ZC3H12C: variants seen among roughly 807,000 people sequenced by gnomAD.
The protein encoded by ZC3H12C is probable ribonuclease ZC3H12C.
A neutral mutation model predicts 76.3 loss-of-function variants in ZC3H12C; 20 were observed. The observed-to-expected ratio is 0.26, with a 90% CI of 0.18 to 0.38. ZC3H12C has a LOEUF of 0.38. Ranked by LOEUF, ZC3H12C falls within the 10% of genes least tolerant of loss-of-function variation. ZC3H12C has a pLI of 1.00. For synonymous variants in ZC3H12C, 352 were observed against 399.6 expected, an observed-to-expected ratio of 0.88 and a Z score of 1.42; for missense variants, 874 against 1,086.5, an observed-to-expected ratio of 0.80 and a Z score of 2.75.
intron 4 of ZC3H12C, among the ~76,000 whole-genome samples, chr11:110,160,171 G>GTCCCATT (rs1862454365): frequency 2.6e-5 from 4 of 152,196 alleles, no homozygotes; most frequent in Non-Finnish European, 5.9e-5. Flanking sequence ...TCTCTGTAGG[G>GTCCCATT]CACTTACCAT....
rs752032065 is a variant in ZC3H12C, at chr11:110,164,791, A to G, written c.1706A>G (p.His569Arg). 1.1e-5 allele frequency: 17 copies of G among 1,613,924 alleles called. No individual in the cohort carries two copies. Among genetic ancestry groups the G allele is most frequent in the Admixed American group, 6.7e-5 (4 of 60,008 alleles). Residue 569 changes from histidine to arginine, a missense_variant, in exon 6 of 6, where the codon CAT (histidine) becomes CGT (arginine). Coordinates refer to ENST00000278590, the MANE Select transcript of ZC3H12C (RefSeq NM_033390.2). This position sits in a 1 kb window ranked among gnomAD's most constrained non-coding sequence, Gnocchi z 5.7. Reference protein sequence around the residue: ...YPSMMMATKNHGTPMPYEQYP... With the variant: ...YPSMMMATKNRGTPMPYEQYP... Reference sequence around the variant, plus strand: ...TCAATGATGATGGCAACCAAAAATCATGGAACGCCAATGCCTTATGAACAG... The same window carrying G: ...TCAATGATGATGGCAACCAAAAATCGTGGAACGCCAATGCCTTATGAACAG...
intron 2 of ZC3H12C, among the ~76,000 whole-genome samples, chr11:110,143,706 T>G (rs1408350176): frequency 6.6e-6 from 1 of 152,186 alleles, no homozygotes; most frequent in African/African-American, 2.4e-5. Flanking sequence ...TATATATGTA[T>G]AAAGACGGGG....
At chr11:110,095,620 C>T (rs1259676128) in intron 1 of ZC3H12C, among the ~76,000 whole-genome samples, 2 of 152,150 alleles carry the variant, frequency 1.3e-5, no homozygotes, top group East Asian at 1.9e-4. Flanking sequence ...GTAAGGCCCC[C>T]GACCTCTAAA....
intron 2 of ZC3H12C, among the ~76,000 whole-genome samples, chr11:110,148,059 C>T (rs1862203104): frequency 1.3e-5 from 2 of 152,208 alleles, no homozygotes; most frequent in Admixed American, 1.3e-4. Flanking sequence ...GCAGAAGGAG[C>T]AACAGCAGAA....
At chr11:110,156,947 C>A (rs962446577) in intron 3 of ZC3H12C, among the ~76,000 whole-genome samples, 7 of 152,074 alleles carry the variant, frequency 4.6e-5, no homozygotes, top group African/African-American at 1.7e-4. Context: ...TTGGGAGGCC[C>A]AGGCGGGCGG....
chr11:110,125,471 C>T (rs1361004278), intron 1 of ZC3H12C, among the ~76,000 whole-genome samples: 1 of 152,114 alleles, frequency 6.6e-6, no homozygotes, highest in Non-Finnish European at 1.5e-5. Flanking sequence ...CAGACACATG[C>T]CACCATGCTA....
chr11:110,115,392 TC>T (rs1214768098), intron 1 of ZC3H12C, among the ~76,000 whole-genome samples: 1 of 152,186 alleles, frequency 6.6e-6, no homozygotes, highest in Non-Finnish European at 1.5e-5. Context: ...AGCCTCTGCC[TC>T]CCAGGTTCAA....
rs1862665296 is a variant in ZC3H12C, at chr11:110,170,868, T to C, written c.*5131T>C. On this transcript the variant is annotated 3_prime_UTR_variant, in exon 6 of 6. Coordinates refer to ENST00000278590, the MANE Select transcript of ZC3H12C (RefSeq NM_033390.2). ...GTTTATTGTTTTTTAAGTGGTTACT[T>C]TGTTTTTCCTTAATACTTTCTGTTA... 1 of 152,218 alleles carries C rather than the reference T, an allele frequency of 6.6e-6. No individual in the cohort carries two copies. The highest frequency in any genetic ancestry group is 2.1e-4 in the South Asian group (1 of 4,836). 9.4% of individuals were successfully genotyped at this position (152,218 alleles called of 1,614,324 possible). A position where few individuals can be genotyped will look rare whatever the true frequency, so the allele number is the denominator to read the frequency against.
Position 110,165,744 on chromosome 11 carries a change from A to T in ZC3H12C, c.*7A>T, listed in dbSNP as rs1332115461. The T allele has an allele frequency of 6.4e-7, 1 of 1,566,274 alleles. No homozygotes were observed. On this transcript the variant is annotated 3_prime_UTR_variant, in exon 6 of 6. Coordinates refer to ENST00000278590, the MANE Select transcript of ZC3H12C (RefSeq NM_033390.2). ...ATCCCAGCTGGGTTATTGAAAGATG[A>T]TGCATCTTTGTGGTGTTTAGTAGTT... is the stretch of plus-strand genomic sequence containing the variant.
chr11:110,146,439 G>T (rs555227404), intron 2 of ZC3H12C, among the ~76,000 whole-genome samples: 11 of 152,292 alleles, frequency 7.2e-5, no homozygotes, highest in Admixed American at 7.2e-4. Context: ...CAGCACTGAG[G>T]CTCTCCCATT....
rs1297412834 is a variant in ZC3H12C, at chr11:110,166,589, C to A, written c.*852C>A. 6.6e-6 allele frequency: 1 copy of A among 152,140 alleles called. No homozygotes were observed. Among genetic ancestry groups the A allele is most frequent in the Non-Finnish European group, 1.5e-5 (1 of 68,018 alleles). 9.4% of individuals were successfully genotyped at this position (152,140 alleles called of 1,614,324 possible). ...TTGACAGTAGAAGTGGAATTGAATT[C>A]CTAGATTTCCATTAACCTGTATTTT... On this transcript the variant is annotated 3_prime_UTR_variant, in exon 6 of 6. Coordinates refer to ENST00000278590, the MANE Select transcript of ZC3H12C (RefSeq NM_033390.2).
Position 110,165,779 on chromosome 11 carries a change from G to C in ZC3H12C, c.*42G>C. On this transcript the variant is annotated 3_prime_UTR_variant, in exon 6 of 6. Transcript: ENST00000278590. ...GTGGTGTTTAGTAGTTTTTTGTTCA[G>C]CTCAAATGCTGAGGGAGGTTTGCTA... The C allele has an allele frequency of 6.6e-7, 1 of 1,513,972 alleles. No homozygotes were observed. The highest frequency in any genetic ancestry group is 8.9e-7 in the Non-Finnish European group (1 of 1,128,616). 93.8% of individuals were successfully genotyped at this position (1,513,972 alleles called of 1,614,324 possible).
intron 2 of ZC3H12C, among the ~76,000 whole-genome samples, chr11:110,141,524 T>C (rs1429624248): frequency 1.3e-5 from 2 of 152,214 alleles, no homozygotes; most frequent in Non-Finnish European, 2.9e-5. Flanking sequence ...GGTTTTGCTC[T>C]CCTGTTGCCT....
intron 3 of ZC3H12C, among the ~76,000 whole-genome samples, chr11:110,155,201 T>C (rs584008): frequency 0.69 from 104,510 of 151,658 alleles, 36,805 homozygotes; most frequent in South Asian, 0.79. Context: ...AGACAAGAAT[T>C]GCTTCAAGAA....
At position 110,103,732 on chromosome 11, in the gene ZC3H12C, A is replaced by G. The variant is rs1861264114; in HGVS notation, c.21+10300A>G. 2.0e-5 allele frequency among the ~76,000 whole-genome samples: 3 copies of G among 150,850 alleles called. No individual in the cohort carries two copies. In the South Asian group the frequency reaches 6.3e-4, roughly 32 times the overall value. The stretch of plus-strand genomic sequence containing the variant: ...GCCACTCTCCTGACTCAGCCTCCCC[A>G]GTAGCTGGGACTACAGGCGCCCGCC... On this transcript the variant is annotated intron_variant, in intron 1 of 5. Coordinates refer to ENST00000278590, the MANE Select transcript of ZC3H12C (RefSeq NM_033390.2).
chr11:110,139,816 T>C (rs1862036631), intron 2 of ZC3H12C, among the ~76,000 whole-genome samples: 1 of 152,038 alleles, frequency 6.6e-6, no homozygotes, highest in Non-Finnish European at 1.5e-5. Flanking sequence ...TTTTGTAGAA[T>C]ATAGAATTAG....
chr11:110,097,914 C>T (rs1413474507), intron 1 of ZC3H12C, among the ~76,000 whole-genome samples: 1 of 152,132 alleles, frequency 6.6e-6, no homozygotes, highest in East Asian at 1.9e-4. Context: ...AACAAACCTA[C>T]AGTGCTGCTG....
In ZC3H12C at chr11:110,164,662, C is replaced by T. The variant is rs372521988; in HGVS notation, c.1577C>T (p.Ala526Val). Residue 526 changes from alanine (A) to valine (V), a missense_variant, in exon 6 of 6, where the codon GCT (alanine) becomes GTT (valine). By Grantham distance (64) the Ala-to-Val change is moderately conservative (BLOSUM62 0). Transcript: ENST00000278590. The surrounding 1 kb of genome is among the most constrained non-coding windows in gnomAD (Gnocchi z 5.7). ...RSVPSLVSIP[A>V]TSTAKPQSTT... The stretch of plus-strand genomic sequence containing the variant: ...GTACCTTCCTTAGTTAGCATCCCAG[C>T]TACTTCTACTGCAAAACCCCAAAGC... The T allele has an allele frequency of 6.2e-7, 1 of 1,613,904 alleles. No individual in the cohort carries two copies. The highest frequency in any genetic ancestry group is 1.3e-5 in the African/African-American group (1 of 74,946).
At chr11:110,101,196 A>G (rs1279863180) in intron 1 of ZC3H12C, among the ~76,000 whole-genome samples, 2 of 152,206 alleles carry the variant, frequency 1.3e-5, no homozygotes, top group East Asian at 1.9e-4. Context: ...TATGAAGGCT[A>G]AGAGAGGTGA....
Sources: allele counts gnomAD v4.1 joint callset (sites outside exome capture counted in the v4.1 genomes callset), GRCh38; gene constraint gnomAD v4.1.1; non-coding constraint Gnocchi (gnomAD v3.1); transcripts MANE v1.5; gene names NCBI Gene and HGNC (gene_info 2026-07-23, HGNC 2026-07-21).